The following FXYD6 variants were observed in gnomAD, a reference collection of about 807,000 sequenced individuals.
FXYD6 encodes FXYD domain-containing ion transport regulator 6.
A neutral mutation model predicts 16.7 loss-of-function variants in FXYD6; 7 were observed. The ratio of observed to expected loss-of-function variants is 0.42; its 90% CI spans 0.24 to 0.79. FXYD6 has a LOEUF of 0.79. Ranked by LOEUF, FXYD6 falls within the 30% of genes least tolerant of loss-of-function variation. FXYD6 has a pLI of 0.28. For synonymous variants in FXYD6, 49 were observed against 43.0 expected, an observed-to-expected ratio of 1.14 and a Z score of -0.54; for missense variants, 111 against 116.2, an observed-to-expected ratio of 0.95 and a Z score of 0.21.
chr11:117,864,128 C>T (rs974545018), intron 1 of FXYD6, among the ~76,000 whole-genome samples: 1 of 152,074 alleles, frequency 6.6e-6, no homozygotes, highest in African/African-American at 2.4e-5. Context: ...TCTCAAGGGA[C>T]CCTGGGTAGC....
At chr11:117,850,700 G>A (rs1042102360) in intron 1 of FXYD6, among the ~76,000 whole-genome samples, 3 of 151,010 alleles carry the variant, frequency 2.0e-5, no homozygotes, top group Non-Finnish European at 4.4e-5. Context: ...ACTATGTTAC[G>A]TAGGCTGGTC....
intron 1 of FXYD6, among the ~76,000 whole-genome samples, chr11:117,863,299 C>T (rs1171280870): frequency 6.6e-6 from 1 of 151,884 alleles, no homozygotes; most frequent in Admixed American, 6.6e-5. Context: ...AATGTTTCAA[C>T]ATATGAAAAT....
At chr11:117,866,485 G>A (rs1018155837) in intron 1 of FXYD6, among the ~76,000 whole-genome samples, 29 of 152,006 alleles carry the variant, frequency 1.9e-4, no homozygotes, top group Admixed American at 5.9e-4. Flanking sequence ...CCCTTTTTCC[G>A]CCTTTCACAT....
chr11:117,860,059 C>T (rs573517402), intron 1 of FXYD6, among the ~76,000 whole-genome samples: 62 of 152,258 alleles, frequency 4.1e-4, no homozygotes, highest in Non-Finnish European at 5.0e-4. Context: ...GGGAAAGAAA[C>T]TGAGGTAGGG....
chr11:117,868,282 G>C (rs763015748), intron 1 of FXYD6, among the ~76,000 whole-genome samples: 2 of 152,132 alleles, frequency 1.3e-5, no homozygotes, highest in Non-Finnish European at 2.9e-5. Context: ...ACTGTGCTGC[G>C]TGGGGGGCAT....
intron 1 of FXYD6, among the ~76,000 whole-genome samples, chr11:117,862,068 G>A (rs73586905): frequency 1.2e-3 from 189 of 152,332 alleles, no homozygotes; most frequent in African/African-American, 4.4e-3. Context: ...GAGAAAACCC[G>A]GAGGAGGAGA....
At chr11:117,846,934 G>A (rs2056483670) in intron 1 of FXYD6, among the ~76,000 whole-genome samples, 2 of 152,106 alleles carry the variant, frequency 1.3e-5, no homozygotes, top group Admixed American at 6.5e-5. Context: ...GGATTTTCAT[G>A]GGAACTGCAA....
intron 1 of FXYD6, among the ~76,000 whole-genome samples, chr11:117,846,439 T>C (rs2056471257): frequency 6.6e-6 from 1 of 152,234 alleles, no homozygotes; most frequent in Non-Finnish European, 1.5e-5. Context: ...GATTTTTGTG[T>C]CTTAAGACAT....
rs190419648 is a variant in FXYD6, at chr11:117,838,156, G to C, written c.*143C>G. On this transcript the variant is annotated 3_prime_UTR_variant, in exon 8 of 8. Transcript: ENST00000526014. The stretch of plus-strand genomic sequence containing the variant: ...TGGAGGAATGGTGTTAGAGGGGATA[G>C]GGTGGGGGACACACAAGTTCTTGGC... The C allele has an allele frequency of 3.6e-4, 249 of 701,398 alleles. 2 individuals are homozygous for C. The African/African-American group carries it at 3.9e-3, about 11-fold the overall frequency. The allele number at this position is 701,398 out of a possible 1,614,324, so 43.4% of individuals were successfully genotyped here. A position where few individuals can be genotyped will look rare whatever the true frequency, so the allele number is the denominator to read the frequency against.
chr11:117,858,683 CTTTCTTTCTTTCTTTCTT>C lies in FXYD6; in HGVS notation c.-5-15920_-5-15903del, dbSNP rs879770097. ...TCTTTCTTTCTTTCTTTCTTTCTTT[CTTTCTTTCTTTCTTTCTT>C]TCTCTCTCTCTCTCCTTCCTTCCCT... On this transcript the variant is annotated intron_variant, in intron 1 of 7. Transcript: ENST00000526014. Among the ~76,000 whole-genome samples, 467 of 88,406 alleles carry C rather than the reference CTTTCTTTCTTTCTTTCTT, an allele frequency of 5.3e-3. 5 individuals are homozygous for C. Among genetic ancestry groups the C allele is most frequent in the African/African-American group, 0.014 (288 of 19,942 alleles). 58.0% of individuals were successfully genotyped at this position (88,406 alleles called of 152,430 possible).
Position 117,839,833 on chromosome 11 carries a change from G to A in FXYD6, c.260-3C>T, listed in dbSNP as rs750080598. ...CTCTGCTTTCTGGGGCTCTGTTGCT[G>A]GAAAGAAAACCAGAATGGATTATAG... On this transcript the variant is annotated splice_region_variant and splice_polypyrimidine_tract_variant and intron_variant, in intron 6 of 7. Coordinates refer to ENST00000526014, the MANE Select transcript of FXYD6 (RefSeq NM_022003.4). 2.1e-5 allele frequency: 34 copies of A among 1,614,036 alleles called. 1 individual carries two copies. The South Asian group carries it at 3.6e-4, about 17-fold the overall frequency.
intron 1 of FXYD6, among the ~76,000 whole-genome samples, chr11:117,855,750 C>T (rs4084120): frequency 0.21 from 32,134 of 152,168 alleles, 4,449 homozygotes; most frequent in Admixed American, 0.36. Flanking sequence ...GGGCATGCAC[C>T]GCCACCTGCG....
At chr11:117,847,604 AC>A (rs2056502920) in intron 1 of FXYD6, among the ~76,000 whole-genome samples, 1 of 147,292 alleles carries the variant, frequency 6.8e-6, no homozygotes, top group Admixed American at 7.1e-5. Context: ...ATGAGTGAGA[AC>A]ATGCGGTGTT....
At chr11:117,867,656 T>C (rs972270168) in intron 1 of FXYD6, among the ~76,000 whole-genome samples, 3 of 152,190 alleles carry the variant, frequency 2.0e-5, no homozygotes, top group African/African-American at 2.4e-5. Flanking sequence ...ACCTCTCTTC[T>C]ACCCCTCCAG....
chr11:117,841,327 C>T, intron 4 of FXYD6, 143 bp from the exon 5 acceptor site: 1 of 1,053,980 alleles, frequency 9.5e-7, no homozygotes, highest in South Asian at 1.5e-5. Flanking sequence ...CACAGTGGCC[C>T]TCGGATGGGG....
In FXYD6 at chr11:117,872,825, C is replaced by A. The variant is rs2057169039; in HGVS notation, c.-6+3767G>T. On this transcript the variant is annotated intron_variant, in intron 1 of 7. Transcript: ENST00000526014. This position sits in a 1 kb window ranked among gnomAD's most constrained non-coding sequence, Gnocchi z 4.9. ...GGATTCTGGAGCAGAGATGATGCTG[C>A]CAAATTGGTTCCATGCTTTTGTTTC... 6.6e-6 allele frequency among the ~76,000 whole-genome samples: 1 copy of A among 152,202 alleles called. No individual in the cohort carries two copies. Among genetic ancestry groups the A allele is most frequent in the South Asian group, 2.1e-4 (1 of 4,832 alleles).
chr11:117,859,109 C>T (rs2056845135), intron 1 of FXYD6, among the ~76,000 whole-genome samples: 1 of 142,428 alleles, frequency 7.0e-6, no homozygotes, highest in South Asian at 2.4e-4. Context: ...TTCTGGGAGG[C>T]TGCTCGAAAG....
At chr11:117,839,911 C>T (rs2056299544) in intron 6 of FXYD6, 81 bp from the exon 7 acceptor site, 1 of 1,579,128 alleles carries the variant, frequency 6.3e-7, no homozygotes, top group Non-Finnish European at 8.7e-7. Flanking sequence ...CGTGTCTCTG[C>T]CTGACTCTGG....
Position 117,874,313 on chromosome 11 carries a change from C to T in FXYD6, c.-6+2279G>A, listed in dbSNP as rs142254661. Among the ~76,000 whole-genome samples the T allele has an allele frequency of 4.4e-4, 67 of 152,184 alleles. No homozygotes were observed. The East Asian group carries it at 9.8e-3, about 22-fold the overall frequency. ...GATGGAAGCCAGGAAGGAAACGCTT[C>T]CCCCAGGCGCCTACCGTCTGTCAAC... On this transcript the variant is annotated intron_variant, in intron 1 of 7. Transcript: ENST00000526014.
Sources: gnomAD v4.1 joint callset for allele counts (sites outside exome capture counted in the v4.1 genomes callset) on GRCh38, gnomAD v4.1.1 for gene constraint, Gnocchi (gnomAD v3.1) non-coding constraint, MANE v1.5 for transcripts, NCBI Gene and HGNC (gene_info 2026-07-23, HGNC 2026-07-21) for gene names.